Variants in CERK observed in about 807,000 individuals in gnomAD.
CERK encodes the protein acylsphingosine kinase.
In CERK, 39 loss-of-function variants were observed where a neutral mutation model predicts 63.4. The observed-to-expected ratio is 0.61, with a 90% confidence interval of 0.48 to 0.80. The LOEUF is 0.80. CERK is among the 30% of genes least tolerant of loss of function. The probability of loss-of-function intolerance (pLI) is 0.00; values close to 1 mark genes in which losing one functional copy is unlikely to be tolerated. For missense variants in CERK, 670 were observed against 714.1 expected (o/e 0.94, Z 0.70); for synonymous variants, 302 against 280.0 (o/e 1.08, Z -0.78).
intron 1 of CERK, among the ~76,000 whole-genome samples, chr22:46,729,028 C>A (rs1278515172): frequency 6.6e-6 from 1 of 152,230 alleles, no homozygotes; most frequent in Non-Finnish European, 1.5e-5. Context: ...ATGAGACAGA[C>A]CTGCCATCTG....
chr22:46,724,970 A>G (rs1024703663), intron 1 of CERK, among the ~76,000 whole-genome samples: 5 of 152,068 alleles, frequency 3.3e-5, no homozygotes, highest in African/African-American at 9.7e-5. Flanking sequence ...GCAGTGAGCC[A>G]AGATTGCGCC....
chr22:46,715,220 G>C (rs2082860743), intron 3 of CERK, among the ~76,000 whole-genome samples: 1 of 152,142 alleles, frequency 6.6e-6, no homozygotes, highest in Non-Finnish European at 1.5e-5. Flanking sequence ...GATGCTGCTA[G>C]CACCCCTGTG....
At chr22:46,687,539 C>T (rs527730714) in intron 12 of CERK, among the ~76,000 whole-genome samples, 2 of 152,350 alleles carry the variant, frequency 1.3e-5, no homozygotes, top group African/African-American at 4.8e-5. Context: ...CTCCAGCACC[C>T]CCATGGAAAG....
In CERK at chr22:46,695,213, G is replaced by A. The variant is rs749406399; in HGVS notation, c.1046C>T (p.Ala349Val). The change falls in exon 9 of 13, where the codon GCA becomes GTA. Residue 349 changes from alanine to valine, a missense_variant. Transcript: ENST00000216264. Reference protein sequence around the residue: ...GSPRDRKPCRAGCFVCRQSKQ... With the variant: ...GSPRDRKPCRVGCFVCRQSKQ... ...ACACACAAAGCAATGCACTTACCCT[G>A]CCCGGCAGGGCTTCCTATCCCTTGG... 1.3e-6 allele frequency: 2 copies of A among 1,538,530 alleles called. No individual in the cohort carries two copies.
rs931981826 is a variant in CERK, at chr22:46,686,864, C to G, written c.*270G>C. 1 of 438,884 alleles carries G rather than the reference C, an allele frequency of 2.3e-6. No homozygotes were observed. The highest frequency in any genetic ancestry group is 2.0e-5 in the African/African-American group (1 of 50,560). 27.2% of individuals were successfully genotyped at this position (438,884 alleles called of 1,614,324 possible). A position where few individuals can be genotyped will look rare whatever the true frequency, so the allele number is the denominator to read the frequency against. On this transcript the variant is annotated 3_prime_UTR_variant, in exon 13 of 13. Transcript: ENST00000216264. ...ATTTTCTAAACTACACTGTTGACAT[C>G]GTTAAAACCTAAGAGGCCAGTGCCC...
At chr22:46,728,060 A>G (rs1251131277) in intron 1 of CERK, among the ~76,000 whole-genome samples, 1 of 152,142 alleles carries the variant, frequency 6.6e-6, no homozygotes, top group African/African-American at 2.4e-5. Flanking sequence ...ACACCTGCGC[A>G]GCCCCTGTGT....
chr22:46,711,667 C>G (rs369928292), intron 4 of CERK, among the ~76,000 whole-genome samples: 1 of 152,176 alleles, frequency 6.6e-6, no homozygotes, highest in East Asian at 1.9e-4. Context: ...TTTTATCTTC[C>G]TAGTGTTTTT....
rs572459280 is a variant in CERK, at chr22:46,701,619, G to A, written c.790+17C>T. On this transcript the variant is annotated intron_variant, in intron 7 of 12. Transcript: ENST00000216264. Reference sequence around the variant, plus strand: ...GGCCCGGCTGCCACCGTGCGCATGCGCAGAGGAGGGGCTCACCAACAACGA... The same window carrying A: ...GGCCCGGCTGCCACCGTGCGCATGCACAGAGGAGGGGCTCACCAACAACGA... 5.0e-5 allele frequency: 78 copies of A among 1,551,676 alleles called. No individual in the cohort carries two copies. The highest frequency in any genetic ancestry group is 4.1e-4 in the East Asian group (17 of 40,990).
In CERK at chr22:46,689,257, C is replaced by A. The variant is rs1200047357; in HGVS notation, c.1541+735G>T. 3.9e-5 allele frequency among the ~76,000 whole-genome samples: 6 copies of A among 152,384 alleles called. No individual in the cohort carries two copies. In the East Asian group the frequency reaches 1.2e-3, roughly 29 times the overall value. On this transcript the variant is annotated intron_variant, in intron 12 of 12. Coordinates refer to ENST00000216264, the MANE Select transcript of CERK (RefSeq NM_022766.6). ...CCTTCCCAGCCCTGCTGCCTCCTGC[C>A]CCTCCCTGCACGGAGCACCTGCACT...
At chr22:46,737,304 AAACAAAAAAC>A (rs1374380113) in intron 1 of CERK, among the ~76,000 whole-genome samples, 56 of 141,608 alleles carry the variant, frequency 4.0e-4, no homozygotes, top group African/African-American at 1.5e-3. Context: ...AAAAAAAAAA[AAACAAAAAAC>A]AAACAAAAAA....
In CERK at chr22:46,684,730, T is replaced by C. The variant is rs1347847653; in HGVS notation, c.*2404A>G. The C allele has an allele frequency of 6.6e-6, 1 of 152,100 alleles. No homozygotes were observed. The highest frequency in any genetic ancestry group is 2.4e-5 in the African/African-American group (1 of 41,410). 9.4% of individuals were successfully genotyped at this position (152,100 alleles called of 1,614,324 possible). On this transcript the variant is annotated 3_prime_UTR_variant, in exon 13 of 13. Transcript: ENST00000216264. Reference sequence around the variant, plus strand: ...CTTCTGATTTTTTTTCCCTTAAAACTCTAAAGTACAGGTGTTGTATGTCTG... The same window carrying C: ...CTTCTGATTTTTTTTCCCTTAAAACCCTAAAGTACAGGTGTTGTATGTCTG...
At chr22:46,723,941 G>A (rs1046439646) in intron 1 of CERK, among the ~76,000 whole-genome samples, 1 of 152,052 alleles carries the variant, frequency 6.6e-6, no homozygotes, top group Non-Finnish European at 1.5e-5. Flanking sequence ...CAGGTGATCT[G>A]CCCGCCTCGG....
intron 3 of CERK, among the ~76,000 whole-genome samples, chr22:46,718,251 AGGGTTCAGAGG>A (rs2082875701): frequency 3.3e-5 from 5 of 152,224 alleles, no homozygotes; most frequent in Non-Finnish European, 7.3e-5. Flanking sequence ...AGTGGGAGGC[AGGGTTCAGAGG>A]ACTTTCTCTT....
rs1032191896 is a variant in CERK, at chr22:46,713,673, A to G, written c.380-1380T>C. 3.3e-5 allele frequency among the ~76,000 whole-genome samples: 5 copies of G among 151,444 alleles called. No homozygotes were observed. In the East Asian group the frequency reaches 7.7e-4, roughly 23 times the overall value. ...ATCAACGGAGCATCCTTCAGTCATGAAATAAGCAAACTACTGGGTGCGACC... is the reference window on the plus strand; with the variant it reads ...ATCAACGGAGCATCCTTCAGTCATGGAATAAGCAAACTACTGGGTGCGACC... On this transcript the variant is annotated intron_variant, in intron 3 of 12. Transcript: ENST00000216264.
At chr22:46,721,578 C>G (rs1183345748) in intron 1 of CERK, among the ~76,000 whole-genome samples, 2 of 152,188 alleles carry the variant, frequency 1.3e-5, no homozygotes, top group African/African-American at 2.4e-5. Flanking sequence ...ACGATTTGCT[C>G]ACCCATTCAA....
intron 11 of CERK, 26 bp downstream of exon 11, chr22:46,691,546 G>T: frequency 6.4e-7 from 1 of 1,574,646 alleles, no homozygotes; most frequent in Non-Finnish European, 8.7e-7. Context: ...GCCAGTGGAG[G>T]CTCCATGCAA....
intron 1 of CERK, among the ~76,000 whole-genome samples, chr22:46,721,224 T>C (rs2082890678): frequency 6.6e-6 from 1 of 151,950 alleles, no homozygotes; most frequent in African/African-American, 2.4e-5. Context: ...TGGGCTATGA[T>C]GGTGACACTG....
chr22:46,716,191 C>CTT (rs79638073), intron 3 of CERK, among the ~76,000 whole-genome samples: 2 of 141,310 alleles, frequency 1.4e-5, no homozygotes. Context: ...CCTCATCTCC[C>CTT]TTTTTTTTTT....
At chr22:46,736,274 C>T (rs190978007) in intron 1 of CERK, among the ~76,000 whole-genome samples, 50 of 152,384 alleles carry the variant, frequency 3.3e-4, no homozygotes, top group Admixed American at 2.5e-3. Context: ...TGGCTGGGGA[C>T]GCCAAGGCAG....
Sources: gnomAD v4.1 joint callset for allele counts (sites outside exome capture counted in the v4.1 genomes callset) on GRCh38, gnomAD v4.1.1 for gene constraint, MANE v1.5 for transcripts, NCBI Gene and HGNC (gene_info 2026-07-23, HGNC 2026-07-21) for gene names.